The following TFG variants were observed in gnomAD, a reference collection of about 807,000 sequenced individuals.
The protein encoded by TFG is trafficking from ER to golgi regulator, also known as protein TFG.
TFG carries 22 observed loss-of-function variants against 51.4 expected under a neutral mutation model. That is an observed-to-expected ratio of 0.43 (90% CI 0.31 to 0.61). TFG has a LOEUF of 0.61. TFG is among the 20% of genes least tolerant of loss of function. The probability of loss-of-function intolerance (pLI) is 0.12; values close to 1 mark genes in which losing one functional copy is unlikely to be tolerated. For missense variants in TFG, 419 were observed against 487.7 expected (o/e 0.86, Z 1.33); for synonymous variants, 187 against 165.6 (o/e 1.13, Z -0.99).
chr3:100,748,177 A>T lies in TFG; in HGVS notation c.849A>T (p.Gln283His). Reference sequence around the variant, plus strand: ...GCTATAGTCAGCAGACTGGACCTCAACAACCTCAGCAGTTCCAGGGATATG... The same window carrying T: ...GCTATAGTCAGCAGACTGGACCTCATCAACCTCAGCAGTTCCAGGGATATG... Reference protein sequence around the residue: ...SASYSQQTGPQQPQQFQGYGQ... With the variant: ...SASYSQQTGPHQPQQFQGYGQ... The change falls in exon 8 of 8, where the codon CAA becomes CAT. Residue 283 changes from glutamine to histidine, a missense_variant. Around this residue, in one of 3 missense-constraint regions of TFG, gnomAD observed 391 missense variants for 434.4 expected, o/e 0.90. Transcript: ENST00000240851. 2 of 1,614,064 alleles carry T rather than the reference A, an allele frequency of 1.2e-6. No individual in the cohort carries two copies. Among genetic ancestry groups the T allele is most frequent in the Non-Finnish European group, 1.7e-6 (2 of 1,179,928 alleles).
rs1170208575 is a variant in TFG at position 100,736,684 on chromosome 3, C to T, written c.689C>T (p.Thr230Ile). 6.2e-7 allele frequency: 1 copy of T among 1,613,858 alleles called. No individual in the cohort carries two copies. Among genetic ancestry groups the T allele is most frequent in the Non-Finnish European group, 8.5e-7 (1 of 1,179,952 alleles). The change falls in exon 6 of 8, where the codon ACA becomes ATA. Residue 230 changes from threonine to isoleucine, a missense_variant. Transcript: ENST00000240851. Reference protein sequence around the residue: ...PGVQPQQPPYTGAQTQAGQIE... With the variant: ...PGVQPQQPPYIGAQTQAGQIE... ...GTTCAGCCACAGCAGCCACCATATA[C>T]AGGAGCTCAGACTCAAGCAGGTCAG...
chr3:100,740,178 G>GT, intron 6 of TFG, among the ~76,000 whole-genome samples: 1 of 151,924 alleles, frequency 6.6e-6, no homozygotes, highest in Non-Finnish European at 1.5e-5. Context: ...TTATTACTGT[G>GT]TAACTATTAT....
chr3:100,739,077 G>C (rs550694478), intron 6 of TFG, among the ~76,000 whole-genome samples: 1 of 151,970 alleles, frequency 6.6e-6, no homozygotes, highest in Non-Finnish European at 1.5e-5. Flanking sequence ...AAATATAGTC[G>C]TTATTTATAG....
chr3:100,745,248 C>T (rs945936373), intron 7 of TFG, among the ~76,000 whole-genome samples: 9 of 152,136 alleles, frequency 5.9e-5, no homozygotes, highest in Admixed American at 2.0e-4. Flanking sequence ...CAAGTTTTCC[C>T]CCTTCCCTCC....
chr3:100,723,824 A>G (rs1437590025), intron 3 of TFG, among the ~76,000 whole-genome samples: 2 of 152,010 alleles, frequency 1.3e-5, no homozygotes, highest in South Asian at 2.1e-4. Context: ...AGTTAGGGAG[A>G]AATACAGTTT....
Position 100,734,927 on chromosome 3 carries a change from C to T in TFG, c.581-1649C>T, listed in dbSNP as rs571047034. Among the ~76,000 whole-genome samples, 163 of 152,128 alleles carry T rather than the reference C, an allele frequency of 1.1e-3. 1 individual carries two copies. The highest frequency in any genetic ancestry group is 3.8e-3 in the African/African-American group (157 of 41,496). ...TAGCTAGGATACTTTTGTAGTTCTT[C>T]AGGTGTGATGTGGTAAAAATGTGGC... On this transcript the variant is annotated intron_variant, in intron 5 of 7. Transcript: ENST00000240851.
intron 3 of TFG, among the ~76,000 whole-genome samples, chr3:100,721,612 C>G (rs2095060978): frequency 6.6e-6 from 1 of 152,072 alleles, no homozygotes; most frequent in Admixed American, 6.5e-5. Context: ...TGGTAACTCC[C>G]AAGCCCAGAT....
At chr3:100,720,622 A>G (rs918154022) in intron 3 of TFG, among the ~76,000 whole-genome samples, 2 of 152,246 alleles carry the variant, frequency 1.3e-5, no homozygotes, top group African/African-American at 4.8e-5. Flanking sequence ...GGAGCCCACC[A>G]CTTAACCTCC....
At chr3:100,736,815 AAC>A in intron 6 of TFG, 99 bp downstream of exon 6, 2 of 1,312,312 alleles carry the variant, frequency 1.5e-6, no homozygotes, top group Non-Finnish European at 1.0e-6. Context: ...TCATGCCTTA[AAC>A]ACAGGAAAAA....
intron 2 of TFG, among the ~76,000 whole-genome samples, chr3:100,715,253 GCTGTTAC>G (rs1471885808): frequency 6.6e-6 from 1 of 152,214 alleles, no homozygotes; most frequent in Non-Finnish European, 1.5e-5. Flanking sequence ...GTTGAAAGAA[GCTGTTAC>G]CTTCAACACA....
intron 3 of TFG, among the ~76,000 whole-genome samples, chr3:100,723,724 G>A (rs1208414118): frequency 6.6e-6 from 1 of 152,002 alleles, no homozygotes; most frequent in African/African-American, 2.4e-5. Context: ...AAGAAAAATT[G>A]ACAGAACAAA....
In TFG at chr3:100,744,910, C is replaced by T; in HGVS notation, c.799C>T (p.Gln267Ter). The change falls in exon 7 of 8, where the codon CAG becomes TAG. Residue 267 changes from glutamine (Q) to a stop codon, truncating the protein, a stop_gained. Coordinates refer to ENST00000240851, the MANE Select transcript of TFG (RefSeq NM_006070.6). LOFTEE classifies it high-confidence loss of function. ...GCAGGCTCCACCTCAGCAGCCTCAACAGTATGGTATTCAGTATTCAGGTGA... is the reference window on the plus strand; with the variant it reads ...GCAGGCTCCACCTCAGCAGCCTCAATAGTATGGTATTCAGTATTCAGGTGA... ...QPQAPPQQPQ[Q>*]YGIQYSASYS... The T allele has an allele frequency of 6.2e-7, 1 of 1,613,166 alleles. No homozygotes were observed. The highest frequency in any genetic ancestry group is 8.5e-7 in the Non-Finnish European group (1 of 1,179,344).
chr3:100,743,915 A>T (rs1392312494), intron 6 of TFG: 1 of 152,136 alleles, frequency 6.6e-6, no homozygotes, highest in Non-Finnish European at 1.5e-5. Context: ...TATTTTAAAG[A>T]TTTAAATACC....
At chr3:100,739,481 A>T (rs1384588581) in intron 6 of TFG, among the ~76,000 whole-genome samples, 1 of 152,214 alleles carries the variant, frequency 6.6e-6, no homozygotes, top group Non-Finnish European at 1.5e-5. Flanking sequence ...CCAGAAATGT[A>T]ACTGGTAAGG....
chr3:100,746,281 C>G (rs1279743668), intron 7 of TFG, among the ~76,000 whole-genome samples: 3 of 152,072 alleles, frequency 2.0e-5, no homozygotes, highest in Non-Finnish European at 2.9e-5. Flanking sequence ...GTGTGGGGCC[C>G]CATTCCCAGA....
chr3:100,748,664 G>A lies in TFG; in HGVS notation c.*133G>A. ...CATTTTTTATGATATCATTGTTGGT[G>A]TTAATTGAAAGTATAATTTGCTGGA... On this transcript the variant is annotated 3_prime_UTR_variant, in exon 8 of 8. Transcript: ENST00000240851. 1 of 1,052,682 alleles carries A rather than the reference G, an allele frequency of 9.5e-7. No homozygotes were observed. Among genetic ancestry groups the A allele is most frequent in the Non-Finnish European group, 1.3e-6 (1 of 766,264 alleles). The allele number at this position is 1,052,682 out of a possible 1,614,324, so 65.2% of individuals were successfully genotyped here.
At chr3:100,713,901 TC>T (rs1559704162) in intron 2 of TFG, 32 bp downstream of exon 2, 17 of 1,262,336 alleles carry the variant, frequency 1.3e-5, no homozygotes, top group Admixed American at 7.6e-5. Flanking sequence ...TTTTTTAAAG[TC>T]TTTTTAAAAA....
chr3:100,710,810 C>T (rs1458847476), intron 1 of TFG, among the ~76,000 whole-genome samples: 2 of 152,208 alleles, frequency 1.3e-5, no homozygotes, highest in African/African-American at 2.4e-5. Flanking sequence ...AGGGCTCCTA[C>T]TGGCAGTTCT....
chr3:100,730,863 G>T (rs1360736675), intron 4 of TFG, among the ~76,000 whole-genome samples: 1 of 152,206 alleles, frequency 6.6e-6, no homozygotes, highest in Non-Finnish European at 1.5e-5. Flanking sequence ...GTGAAAAGAG[G>T]CATAGGTAGT....
Sources: gnomAD v4.1 joint callset for allele counts (sites outside exome capture counted in the v4.1 genomes callset) on GRCh38, gnomAD v4.1.1 for gene constraint, gnomAD v4.1.1 regional missense constraint, MANE v1.5 for transcripts, NCBI Gene and HGNC (gene_info 2026-07-23, HGNC 2026-07-21) for gene names.